Variants in NRXN1 observed in about 807,000 individuals in gnomAD.
NRXN1 encodes the protein neurexin-1.
A neutral mutation model predicts 150.9 loss-of-function variants in NRXN1; 39 were observed. The ratio of observed to expected loss-of-function variants is 0.26; its 90% CI spans 0.20 to 0.34. The LOEUF is 0.34. NRXN1 is among the 10% of genes least tolerant of loss of function. NRXN1 has a pLI of 1.00. For synonymous variants in NRXN1, 924 were observed against 757.0 expected, an observed-to-expected ratio of 1.22 and a Z score of -3.62; for missense variants, 1,815 against 1,949.9, an observed-to-expected ratio of 0.93 and a Z score of 1.30.
intron 5 of NRXN1, among the ~76,000 whole-genome samples, chr2:50,762,640 C>T (rs549203567): frequency 6.6e-6 from 1 of 151,896 alleles, no homozygotes; most frequent in South Asian, 2.1e-4. Flanking sequence ...TGGCATCCAG[C>T]TGTATCAATG....
At chr2:50,800,602 C>T (rs1010695692) in intron 5 of NRXN1, among the ~76,000 whole-genome samples, 38 of 151,928 alleles carry the variant, frequency 2.5e-4, no homozygotes, top group African/African-American at 8.9e-4. Context: ...CAGAATGGAG[C>T]ACAATGGCGC....
intron 17 of NRXN1, among the ~76,000 whole-genome samples, chr2:50,356,629 G>A (rs987299916): frequency 3.9e-5 from 6 of 152,114 alleles, no homozygotes; most frequent in African/African-American, 1.4e-4. Context: ...GTTCCTGGTT[G>A]CGTTCAAGTA....
At chr2:50,649,392 G>A (rs1685280755) in intron 5 of NRXN1, among the ~76,000 whole-genome samples, 1 of 151,890 alleles carries the variant, frequency 6.6e-6, no homozygotes, top group Non-Finnish European at 1.5e-5. Flanking sequence ...AATGCTTCCA[G>A]ATTACAGTGT....
At chr2:50,735,492 T>C (rs1324609789) in intron 5 of NRXN1, among the ~76,000 whole-genome samples, 1 of 152,106 alleles carries the variant, frequency 6.6e-6, no homozygotes, top group Non-Finnish European at 1.5e-5. Flanking sequence ...ATTTTGAAAA[T>C]GTCAGATTGT....
At chr2:50,486,753 A>G (rs1183527743) in intron 15 of NRXN1, among the ~76,000 whole-genome samples, 1 of 152,104 alleles carries the variant, frequency 6.6e-6, no homozygotes. Context: ...AACCTCTAAT[A>G]AACTTGAGAT....
At chr2:50,284,647 T>C (rs544974459) in intron 17 of NRXN1, among the ~76,000 whole-genome samples, 299 of 152,290 alleles carry the variant, frequency 2.0e-3, no homozygotes, top group Non-Finnish European at 3.7e-3. Flanking sequence ...ACCAAACCAA[T>C]TCTAGCCTCC....
chr2:50,739,117 T>C (rs1252163057), intron 5 of NRXN1: 4 of 244,250 alleles, frequency 1.6e-5, no homozygotes, highest in Non-Finnish European at 3.4e-5. Context: ...AGAGACAATG[T>C]TGATAATTTT....
At chr2:50,371,056 A>G (rs2079986962) in intron 17 of NRXN1, among the ~76,000 whole-genome samples, 1 of 151,972 alleles carries the variant, frequency 6.6e-6, no homozygotes, top group African/African-American at 2.4e-5. Context: ...GCATGATTGT[A>G]TATATATATG....
intron 21 of NRXN1, among the ~76,000 whole-genome samples, chr2:49,984,309 A>T (rs961010768): frequency 6.6e-6 from 1 of 152,220 alleles, no homozygotes; most frequent in Non-Finnish European, 1.5e-5. Flanking sequence ...ACATATTTTA[A>T]GCCACATTTT....
intron 18 of NRXN1, among the ~76,000 whole-genome samples, chr2:50,112,387 C>T (rs1702489731): frequency 6.6e-6 from 1 of 152,198 alleles, no homozygotes; most frequent in South Asian, 2.1e-4. Context: ...TGTCATTACA[C>T]CATCTTACTG....
intron 17 of NRXN1, among the ~76,000 whole-genome samples, chr2:50,304,141 T>C (rs944508370): frequency 2.0e-5 from 3 of 152,190 alleles, no homozygotes; most frequent in Non-Finnish European, 4.4e-5. Context: ...ACACTCATCA[T>C]AACAACAGAA....
At chr2:50,039,743 G>T (rs1690632266) in intron 21 of NRXN1, among the ~76,000 whole-genome samples, 1 of 152,140 alleles carries the variant, frequency 6.6e-6, no homozygotes. Context: ...AATTTAAAAT[G>T]ATGATATAAT....
chr2:50,547,137 T>G (rs2093512431), intron 9 of NRXN1, among the ~76,000 whole-genome samples: 1 of 152,174 alleles, frequency 6.6e-6, no homozygotes, highest in Admixed American at 6.6e-5. Context: ...AAACTGGAAC[T>G]CTACGACTTC....
intron 17 of NRXN1, among the ~76,000 whole-genome samples, chr2:50,423,813 G>A (rs1201731445): frequency 6.6e-6 from 1 of 152,112 alleles, no homozygotes; most frequent in Non-Finnish European, 1.5e-5. Flanking sequence ...TGTCAGGAAA[G>A]TGCTTACTAT....
chr2:50,222,299 C>T (rs544444), intron 18 of NRXN1, among the ~76,000 whole-genome samples: 27,145 of 151,914 alleles, frequency 0.18, 3,210 homozygotes, highest in Middle Eastern at 0.26. Flanking sequence ...TTGGTTTCAC[C>T]GCTATACTAG....
At chr2:50,638,605 G>A (rs1042517652) in intron 5 of NRXN1, among the ~76,000 whole-genome samples, 1 of 152,054 alleles carries the variant, frequency 6.6e-6, no homozygotes, top group Non-Finnish European at 1.5e-5. Context: ...GCGTTCTCTG[G>A]TCTCATGGAT....
Position 50,312,300 on chromosome 2 carries a change from A to G in NRXN1, c.3365-75330T>C, listed in dbSNP as rs998668403. Among the ~76,000 whole-genome samples the G allele has an allele frequency of 8.3e-4, 126 of 152,230 alleles. 1 individual carries two copies. The highest frequency in any genetic ancestry group is 6.3e-4 in the Non-Finnish European group (43 of 67,996). On this transcript the variant is annotated intron_variant, in intron 17 of 22. Transcript: ENST00000401669. ...TGAAGAATTATGCTATTGGAAGTTG[A>G]ACAAAGATATGCAGAGTTGGAGGAC...
intron 21 of NRXN1, among the ~76,000 whole-genome samples, chr2:49,953,973 T>G (rs974851959): frequency 6.6e-6 from 1 of 151,972 alleles, no homozygotes; most frequent in Non-Finnish European, 1.5e-5. Context: ...TGTATACCTA[T>G]GTAACAAGCC....
At chr2:50,260,628 C>CTT (rs2068162717) in intron 17 of NRXN1, among the ~76,000 whole-genome samples, 2 of 107,918 alleles carry the variant, frequency 1.9e-5, no homozygotes, top group African/African-American at 3.9e-5. Context: ...TTTTTTTTTC[C>CTT]GTTTTTTTTT....
Sources: allele counts gnomAD v4.1 joint callset (sites outside exome capture counted in the v4.1 genomes callset), GRCh38; gene constraint gnomAD v4.1.1; transcripts MANE v1.5; gene names NCBI Gene and HGNC (gene_info 2026-07-23, HGNC 2026-07-21).